Variants in EPN3 observed in about 807,000 individuals in gnomAD.
EPN3 encodes the protein epsin-3.
Under a neutral mutation model 55.5 loss-of-function variants are expected in EPN3, and 56 were observed. That is an observed-to-expected ratio of 1.01 (90% CI 0.81 to 1.26). EPN3 has a LOEUF of 1.26. Among genes scored for constraint, EPN3 ranks in the 50% most tolerant of loss-of-function variants. The pLI is 0.00. For missense variants in EPN3, 927 were observed against 853.4 expected (o/e 1.09, Z -1.07); for synonymous variants, 449 against 375.2 (o/e 1.20, Z -2.27).
Position 50,542,298 on chromosome 17 carries a change from T to C in EPN3, c.*141T>C, listed in dbSNP as rs2034862171. On this transcript the variant is annotated 3_prime_UTR_variant, in exon 10 of 10. Coordinates refer to ENST00000268933, the MANE Select transcript of EPN3 (RefSeq NM_017957.3). The stretch of plus-strand genomic sequence containing the variant: ...GGTATCCCGCGGCGGCTCTGGAAGC[T>C]GGACGCGGACCACGGCCCGGGAGCT... 1 of 891,574 alleles carries C rather than the reference T, an allele frequency of 1.1e-6. No individual in the cohort carries two copies. Among genetic ancestry groups the C allele is most frequent in the Non-Finnish European group, 1.5e-6 (1 of 645,894 alleles). 55.2% of individuals were successfully genotyped at this position (891,574 alleles called of 1,614,324 possible). A position where few individuals can be genotyped will look rare whatever the true frequency, so the allele number is the denominator to read the frequency against.
chr17:50,539,219 C>T lies in EPN3; in HGVS notation c.795C>T (p.Pro265=). Residue 265 remains proline (P), a synonymous_variant, in exon 5 of 10, where the codon CCC becomes CCT. Coordinates refer to ENST00000268933, the MANE Select transcript of EPN3 (RefSeq NM_017957.3). ...GGTCCTGGCAGGGTGATGGCTCCCC[C>T]ATGGCCAATGGTGCAGGGGCCGTGG... The part of the protein sequence containing the change: ...EVRSWQGDGS[P]MANGAGAVVH... 1 of 1,614,148 alleles carries T rather than the reference C, an allele frequency of 6.2e-7. No individual in the cohort carries two copies. The highest frequency in any genetic ancestry group is 8.5e-7 in the Non-Finnish European group (1 of 1,180,010).
Position 50,542,591 on chromosome 17 carries a change from TCA to T in EPN3, c.*439_*440del, listed in dbSNP as rs1432535973. On this transcript the variant is annotated 3_prime_UTR_variant, in exon 10 of 10. Transcript: ENST00000268933. ...TCAATTCGGTCATTTCATTCATTTA[TCA>T]CACATGGGCACTGGGGTTGGGCTAA... 1.1e-5 allele frequency: 2 copies of T among 189,338 alleles called. No homozygotes were observed. Among genetic ancestry groups the T allele is most frequent in the African/African-American group, 2.4e-5 (1 of 41,938 alleles). 11.7% of individuals were successfully genotyped at this position (189,338 alleles called of 1,614,324 possible).
rs770397617 is a variant in EPN3 at position 50,532,906 on chromosome 17, G to T, written c.-216G>T. The T allele has an allele frequency of 3.9e-6, 5 of 1,285,206 alleles. No homozygotes were observed. The highest frequency in any genetic ancestry group is 5.1e-6 in the Non-Finnish European group (5 of 987,142). The allele number at this position is 1,285,206 out of a possible 1,614,324, so 79.6% of individuals were successfully genotyped here. The stretch of plus-strand genomic sequence containing the variant: ...CTGGAGACGCTCCCGAGGCTGTGCC[G>T]TCCCGCTGCTGCACAGGTCGGAGGG... On this transcript the variant is annotated 5_prime_UTR_variant, in exon 1 of 10. Coordinates refer to ENST00000268933, the MANE Select transcript of EPN3 (RefSeq NM_017957.3).
rs780769446 is a variant in EPN3 at position 50,536,653 on chromosome 17, T to C, written c.97T>C (p.Trp33Arg). ...KVREATSNDP[W>R]GPPSSLMSEI... is the part of the protein sequence containing the mutation. The stretch of plus-strand genomic sequence containing the variant: ...GCGCGAGGCCACCAGCAATGACCCC[T>C]GGGGCCCCCCTAGTTCGCTCATGTC... The change falls in exon 2 of 10, where the codon TGG becomes CGG. Residue 33 changes from tryptophan (W) to arginine (R), a missense_variant. Trp to Arg is a moderately radical substitution (Grantham distance 101). Transcript: ENST00000268933. 1.4e-5 allele frequency: 22 copies of C among 1,613,884 alleles called. No individual in the cohort carries two copies. Among genetic ancestry groups the C allele is most frequent in the Non-Finnish European group, 1.9e-5 (22 of 1,180,006 alleles).
rs1368635726 is a variant in EPN3, at chr17:50,542,068, G to A, written c.1810G>A (p.Ala604Thr). The A allele has an allele frequency of 3.2e-6, 5 of 1,586,758 alleles. No homozygotes were observed. The highest frequency in any genetic ancestry group is 1.4e-5 in the African/African-American group (1 of 73,428). Residue 604 changes from alanine (A) to threonine (T), a missense_variant, in exon 10 of 10, where the codon GCC becomes ACC. Ala to Thr is a moderately conservative substitution (Grantham distance 58). Coordinates refer to ENST00000268933, the MANE Select transcript of EPN3 (RefSeq NM_017957.3). ...GGTTAGCGTCTTCCCGCAGGCCGGA[G>A]CCTTCGCACCGCAGCCGCTGCTGCC... ...ASVSVFPQAG[A>T]FAPQPLLPTP...
chr17:50,537,977 C>T (rs908199416), intron 2 of EPN3, 102 bp from the exon 3 acceptor site: 20 of 985,924 alleles, frequency 2.0e-5, no homozygotes, highest in Admixed American at 1.4e-4. Flanking sequence ...GGCCGTTGTT[C>T]CCCTCCTCTC....
At position 50,532,943 on chromosome 17, in the gene EPN3, G is replaced by A. The variant is rs1232378577; in HGVS notation, c.-179G>A. Reference sequence around the variant, plus strand: ...CACAGGTCGGAGGGTCACCGCAGAGGCTACTCGGGCTGGGGCTGGGGCCGA... The same window carrying A: ...CACAGGTCGGAGGGTCACCGCAGAGACTACTCGGGCTGGGGCTGGGGCCGA... On this transcript the variant is annotated 5_prime_UTR_variant, in exon 1 of 10. Coordinates refer to ENST00000268933, the MANE Select transcript of EPN3 (RefSeq NM_017957.3). 3 of 1,286,000 alleles carry A rather than the reference G, an allele frequency of 2.3e-6. No individual in the cohort carries two copies. The highest frequency in any genetic ancestry group is 1.5e-5 in the African/African-American group (1 of 65,602). The allele number at this position is 1,286,000 out of a possible 1,614,324, so 79.7% of individuals were successfully genotyped here.
intron 1 of EPN3, chr17:50,534,633 A>C (rs1325523090): frequency 5.1e-6 from 5 of 985,338 alleles, no homozygotes; most frequent in Non-Finnish European, 6.0e-6. Context: ...CGCTGGAAGG[A>C]AAGAGATAGC....
intron 1 of EPN3, among the ~76,000 whole-genome samples, chr17:50,533,948 C>T (rs1257193820): frequency 6.6e-6 from 1 of 152,256 alleles, no homozygotes; most frequent in African/African-American, 2.4e-5. Context: ...CCTTATCGGC[C>T]GCTGGGTTTC....
chr17:50,535,277 G>A (rs929622791), intron 1 of EPN3, among the ~76,000 whole-genome samples: 1 of 152,212 alleles, frequency 6.6e-6, no homozygotes, highest in African/African-American at 2.4e-5. Flanking sequence ...ATGAAATAAT[G>A]ACCAAACTGG....
Position 50,542,060 on chromosome 17 carries a change from A to T in EPN3, c.1802A>T (p.Gln601Leu). The stretch of plus-strand genomic sequence containing the variant: ...CCCGCCTCGGTTAGCGTCTTCCCGC[A>T]GGCCGGAGCCTTCGCACCGCAGCCG... ...TLPASVSVFP[Q>L]AGAFAPQPLL... The change falls in exon 10 of 10, where the codon CAG becomes CTG. Residue 601 changes from glutamine to leucine, a missense_variant. Coordinates refer to ENST00000268933, the MANE Select transcript of EPN3 (RefSeq NM_017957.3). The T allele has an allele frequency of 6.3e-7, 1 of 1,590,538 alleles. No homozygotes were observed. Among genetic ancestry groups the T allele is most frequent in the Non-Finnish European group, 8.5e-7 (1 of 1,176,984 alleles).
chr17:50,536,250 C>T, intron 1 of EPN3, 171 bp from the exon 2 acceptor site: 2 of 416,186 alleles, frequency 4.8e-6, no homozygotes, highest in Non-Finnish European at 8.7e-6. Context: ...GATAGATGAG[C>T]ATGCAAAGCT....
Position 50,540,935 on chromosome 17 carries a change from C to T in EPN3, c.1122C>T (p.Gly374=). ...TPMLSSSEPW[G]RTPVLPAGPP... The stretch of plus-strand genomic sequence containing the variant: ...TGCTCTCCTCCTCTGAGCCCTGGGG[C>T]AGGACCCCAGTGCTGCCTGCTGGGC... The change falls in exon 7 of 10, where the codon GGC becomes GGT. Residue 374 remains glycine (G), a synonymous_variant. Transcript: ENST00000268933. 6.2e-7 allele frequency: 1 copy of T among 1,613,938 alleles called. No individual in the cohort carries two copies. The highest frequency in any genetic ancestry group is 8.5e-7 in the Non-Finnish European group (1 of 1,179,986).
intron 2 of EPN3, chr17:50,537,388 T>G: frequency 2.0e-6 from 1 of 511,274 alleles, no homozygotes; most frequent in South Asian, 2.4e-5. Flanking sequence ...TGGAGTCAGA[T>G]AGCATTCTAT....
At chr17:50,540,147 G>C (rs1362490159) in intron 5 of EPN3, 100 bp from the exon 6 acceptor site, 1 of 842,400 alleles carries the variant, frequency 1.2e-6, no homozygotes, top group African/African-American at 1.7e-5. Flanking sequence ...TCTGTGGAAT[G>C]AATAAAGAGA....
chr17:50,540,034 C>CT (rs1317119510), intron 5 of EPN3, among the ~76,000 whole-genome samples: 1 of 152,204 alleles, frequency 6.6e-6, no homozygotes, highest in Non-Finnish European at 1.5e-5. Flanking sequence ...ATCATCTGCC[C>CT]TACCTACCTC....
chr17:50,537,150 G>A (rs1183300735), intron 2 of EPN3, 32 bp downstream of exon 2: 4 of 1,534,210 alleles, frequency 2.6e-6, no homozygotes, highest in Non-Finnish European at 2.6e-6. Context: ...GCTGGGATGG[G>A]GAGGTGGCCC....
rs1025020385 is a variant in EPN3 at position 50,542,415 on chromosome 17, A to C, written c.*258A>C. 4.7e-6 allele frequency: 2 copies of C among 423,634 alleles called. No homozygotes were observed. The highest frequency in any genetic ancestry group is 4.2e-5 in the African/African-American group (2 of 47,330). The allele number at this position is 423,634 out of a possible 1,614,324, so 26.2% of individuals were successfully genotyped here. A position where few individuals can be genotyped will look rare whatever the true frequency, so the allele number is the denominator to read the frequency against. ...TGCGGGGTGTGGCGGCCGGGTCTCG[A>C]CCACAGCGTGGATCACCGGCTGTTT... On this transcript the variant is annotated 3_prime_UTR_variant, in exon 10 of 10. Coordinates refer to ENST00000268933, the MANE Select transcript of EPN3 (RefSeq NM_017957.3).
In EPN3 at chr17:50,542,503, A is replaced by C; in HGVS notation, c.*346A>C. 1 of 256,568 alleles carries C rather than the reference A, an allele frequency of 3.9e-6. No individual in the cohort carries two copies. Among genetic ancestry groups the C allele is most frequent in the Non-Finnish European group, 7.3e-6 (1 of 136,600 alleles). The allele number at this position is 256,568 out of a possible 1,614,324, so 15.9% of individuals were successfully genotyped here. ...CCCCGCTTCCTTTACAGCTCTTCTC[A>C]ACCCTCACCTCCATCCCCCGTCACC... is the stretch of plus-strand genomic sequence containing the variant. On this transcript the variant is annotated 3_prime_UTR_variant, in exon 10 of 10. Coordinates refer to ENST00000268933, the MANE Select transcript of EPN3 (RefSeq NM_017957.3).
Sources: gnomAD v4.1 joint callset for allele counts (sites outside exome capture counted in the v4.1 genomes callset) on GRCh38, gnomAD v4.1.1 for gene constraint, MANE v1.5 for transcripts, NCBI Gene and HGNC (gene_info 2026-07-23, HGNC 2026-07-21) for gene names.